The following CACNA1G variants were observed in gnomAD, a reference collection of about 807,000 sequenced individuals.
CACNA1G encodes the protein voltage-dependent T-type calcium channel subunit alpha-1G.
In CACNA1G, 67 loss-of-function variants were observed where a neutral mutation model predicts 219.4. The observed-to-expected ratio is 0.31, with a 90% CI of 0.25 to 0.37. The LOEUF (loss-of-function observed/expected upper bound fraction) is 0.37, where lower values mean the gene tolerates loss of function less well. Ranked by LOEUF, CACNA1G falls within the 10% of genes least tolerant of loss-of-function variation. CACNA1G has a pLI of 1.00. For synonymous variants in CACNA1G, 1,296 were observed against 1,345.3 expected, an observed-to-expected ratio of 0.96 and a Z score of 0.80; for missense variants, 2,380 against 3,231.4, an observed-to-expected ratio of 0.74 and a Z score of 6.39.
intron 9 of CACNA1G, among the ~76,000 whole-genome samples, chr17:50,585,481 G>A (rs2042817159): frequency 6.6e-6 from 1 of 152,178 alleles, no homozygotes; most frequent in South Asian, 2.1e-4. Context: ...GGTGGGAGTG[G>A]GGGTGCTGGT....
intron 7 of CACNA1G, 188 bp downstream of exon 7, chr17:50,573,301 C>T (rs1011490291): frequency 2.2e-5 from 13 of 582,464 alleles, no homozygotes; most frequent in East Asian, 5.8e-5. Flanking sequence ...AAGGTCAAGG[C>T]GGGACTTAAC....
intron 14 of CACNA1G, among the ~76,000 whole-genome samples, chr17:50,595,703 C>T (rs558133342): frequency 6.6e-6 from 1 of 152,388 alleles, no homozygotes; most frequent in South Asian, 2.1e-4. Context: ...CTGTTCCCTG[C>T]CCCAGCACCA....
At position 50,621,990 on chromosome 17, in the gene CACNA1G, A is replaced by G. The variant is rs930682878; in HGVS notation, c.6060+196A>G. Among the ~76,000 whole-genome samples, 1 of 152,106 alleles carries G rather than the reference A, an allele frequency of 6.6e-6. No individual in the cohort carries two copies. The highest frequency in any genetic ancestry group is 6.5e-5 in the Admixed American group (1 of 15,272). ...AAGGTCTTCAGGTTCCCCACTGGGG[A>G]CAAAGAGATTAGATAAGTTTAAATT... On this transcript the variant is annotated intron_variant, in intron 35 of 37. Transcript: ENST00000359106. This position sits in a 1 kb window ranked among gnomAD's most constrained non-coding sequence, Gnocchi z 4.6.
chr17:50,570,213 A>G (rs968123038), intron 4 of CACNA1G, among the ~76,000 whole-genome samples: 13 of 152,140 alleles, frequency 8.5e-5, no homozygotes, highest in Non-Finnish European at 1.6e-4. Flanking sequence ...CACGCTGGCC[A>G]CGCTGAACGT....
chr17:50,577,944 C>G (rs1021382569), intron 8 of CACNA1G, among the ~76,000 whole-genome samples: 1 of 152,106 alleles, frequency 6.6e-6, no homozygotes, highest in African/African-American at 2.4e-5. Flanking sequence ...GACATCCAGG[C>G]CACCTCTCTG....
chr17:50,581,950 C>G (rs1011571325), intron 9 of CACNA1G, among the ~76,000 whole-genome samples: 3 of 152,170 alleles, frequency 2.0e-5, no homozygotes, highest in Non-Finnish European at 4.4e-5. Flanking sequence ...TAGCATTTGC[C>G]AATTTCCATG....
At chr17:50,583,149 G>A (rs2145180141) in intron 9 of CACNA1G, among the ~76,000 whole-genome samples, 1 of 152,278 alleles carries the variant, frequency 6.6e-6, no homozygotes, top group Non-Finnish European at 1.5e-5. Context: ...GGCAAAGGTT[G>A]ATGGACACCT....
rs147757668 is a variant in CACNA1G, at chr17:50,584,046, G to A, written c.2301+5482G>A. ...GGGCAAGAATCCTAGATAACCCGAA[G>A]TTTCTAAGGCAGAATCCCGAGCATG... On this transcript the variant is annotated intron_variant, in intron 9 of 37. Coordinates refer to ENST00000359106, the MANE Select transcript of CACNA1G (RefSeq NM_018896.5). Among the ~76,000 whole-genome samples, 172 of 152,256 alleles carry A rather than the reference G, an allele frequency of 1.1e-3. No individual in the cohort carries two copies. The Middle Eastern group carries it at 0.017, about 15-fold the overall frequency.
chr17:50,621,608 G>A lies in CACNA1G; in HGVS notation c.5926-52G>A, dbSNP rs1256705535. 27 of 1,597,806 alleles carry A rather than the reference G, an allele frequency of 1.7e-5. No homozygotes were observed. Among genetic ancestry groups the A allele is most frequent in the South Asian group, 7.8e-5 (7 of 90,250 alleles). On this transcript the variant is annotated intron_variant, in intron 34 of 37. Coordinates refer to ENST00000359106, the MANE Select transcript of CACNA1G (RefSeq NM_018896.5). This position sits in a 1 kb window ranked among gnomAD's most constrained non-coding sequence, Gnocchi z 4.6. ...AGAGCGCGTGTGTGCGTGTGCACGC[G>A]CGTGTGCGCTGTCCTGGTTTCTCAT...
intron 33 of CACNA1G, 133 bp from the exon 34 acceptor site, chr17:50,619,550 A>G (rs1598764337): frequency 1.5e-6 from 1 of 665,534 alleles, no homozygotes; most frequent in East Asian, 2.9e-5. Flanking sequence ...GCACATGTGC[A>G]TGTGTGTTGT....
chr17:50,595,152 C>A, intron 14 of CACNA1G, 91 bp downstream of exon 14: 2 of 958,288 alleles, frequency 2.1e-6, no homozygotes, highest in African/African-American at 1.6e-5. Flanking sequence ...CGTGTTCACG[C>A]TCCGCTGCTG....
In CACNA1G at chr17:50,619,572, C is replaced by G; in HGVS notation, c.5782-111C>G. The stretch of plus-strand genomic sequence containing the variant: ...TGCATGTGTGTTGTCTGGGTGTCAC[C>G]TCTTTCTCCTCTGTTTCTCTTGTCA... On this transcript the variant is annotated intron_variant, in intron 33 of 37. Transcript: ENST00000359106. 5.0e-6 allele frequency: 5 copies of G among 1,009,830 alleles called. No homozygotes were observed. In the South Asian group the frequency reaches 7.8e-5, roughly 16 times the overall value. The allele number at this position is 1,009,830 out of a possible 1,614,324, so 62.6% of individuals were successfully genotyped here.
intron 9 of CACNA1G, among the ~76,000 whole-genome samples, chr17:50,579,475 A>G (rs1477523566): frequency 6.6e-6 from 1 of 152,114 alleles, no homozygotes; most frequent in African/African-American, 2.4e-5. Context: ...GGTCCTCACA[A>G]CTGGGTTTGG....
Position 50,600,051 on chromosome 17 carries a change from C to G in CACNA1G, c.3690+192C>G, listed in dbSNP as rs896742273. Among the ~76,000 whole-genome samples the G allele has an allele frequency of 6.6e-6, 1 of 152,236 alleles. No individual in the cohort carries two copies. The highest frequency in any genetic ancestry group is 1.5e-5 in the Non-Finnish European group (1 of 68,034). On this transcript the variant is annotated intron_variant, in intron 17 of 37. Coordinates refer to ENST00000359106, the MANE Select transcript of CACNA1G (RefSeq NM_018896.5). The surrounding 1 kb of genome is among the most constrained non-coding windows in gnomAD (Gnocchi z 4.1). Reference sequence around the variant, plus strand: ...GCCAAGCCCCAGATCCTTGTCATGCCTATGCCTGGGGCTGCGGCTCTGCCA... The same window carrying G: ...GCCAAGCCCCAGATCCTTGTCATGCGTATGCCTGGGGCTGCGGCTCTGCCA...
At chr17:50,582,377 G>A (rs755570258) in intron 9 of CACNA1G, among the ~76,000 whole-genome samples, 5 of 152,190 alleles carry the variant, frequency 3.3e-5, no homozygotes, top group Non-Finnish European at 5.9e-5. Flanking sequence ...AGAGGGCTGG[G>A]GAGAGCTGGC....
chr17:50,594,457 C>T (rs1175283480), intron 13 of CACNA1G, among the ~76,000 whole-genome samples: 1 of 152,198 alleles, frequency 6.6e-6, no homozygotes, highest in African/African-American at 2.4e-5. Flanking sequence ...CATTCCTTTC[C>T]TTGCTTCCTA....
Position 50,578,244 on chromosome 17 carries a change from G to A in CACNA1G, c.1981G>A (p.Ala661Thr), listed in dbSNP as rs2041144744. 1 of 1,608,930 alleles carries A rather than the reference G, an allele frequency of 6.2e-7. No individual in the cohort carries two copies. Among genetic ancestry groups the A allele is most frequent in the Admixed American group, 1.7e-5 (1 of 59,374 alleles). Residue 661 changes from alanine to threonine, a missense_variant, in exon 9 of 38, where the codon GCC (alanine) becomes ACC (threonine). Coordinates refer to ENST00000359106, the MANE Select transcript of CACNA1G (RefSeq NM_018896.5). The surrounding 1 kb of genome is among the most constrained non-coding windows in gnomAD (Gnocchi z 4.5). Reference protein sequence around the residue: ...SSPCLKADSGACGPDSCPYCA... With the variant: ...SSPCLKADSGTCGPDSCPYCA... ...CCCTTGCTTGAAAGCAGACAGTGGA[G>A]CCTGTGGTCCAGACAGCTGCCCCTA...
chr17:50,590,107 C>G (rs2145444728), intron 9 of CACNA1G, among the ~76,000 whole-genome samples: 1 of 152,316 alleles, frequency 6.6e-6, no homozygotes, highest in East Asian at 1.9e-4. Flanking sequence ...CATTGTCATG[C>G]TGCTGGCCTG....
Position 50,576,087 on chromosome 17 carries a change from A to G in CACNA1G, c.1685A>G (p.His562Arg). The change falls in exon 8 of 38, where the codon CAC becomes CGC. Residue 562 changes from histidine (H) to arginine (R), a missense_variant. Around this residue, in one of 17 missense-constraint regions of CACNA1G, gnomAD observed 434 missense variants for 417.3 expected, o/e 1.04. Coordinates refer to ENST00000359106, the MANE Select transcript of CACNA1G (RefSeq NM_018896.5). ...CACAGCTTCTACCATGCCGACTGCC[A>G]CTTAGAGCCAGTCCGCTGCCAGGCG... Reference protein sequence around the residue: ...SVHSFYHADCHLEPVRCQAPP... With the variant: ...SVHSFYHADCRLEPVRCQAPP... 6.3e-7 allele frequency: 1 copy of G among 1,590,990 alleles called. No individual in the cohort carries two copies. Among genetic ancestry groups the G allele is most frequent in the Non-Finnish European group, 8.5e-7 (1 of 1,169,910 alleles).
Sources: gnomAD v4.1 joint callset for allele counts (sites outside exome capture counted in the v4.1 genomes callset) on GRCh38, gnomAD v4.1.1 for gene constraint, gnomAD v4.1.1 regional missense constraint, Gnocchi (gnomAD v3.1) non-coding constraint, MANE v1.5 for transcripts, NCBI Gene and HGNC (gene_info 2026-07-23, HGNC 2026-07-21) for gene names.